DUSP16: variants seen among roughly 807,000 people sequenced by gnomAD.
The protein encoded by DUSP16 is dual specificity phosphatase 16, also known as dual specificity protein phosphatase 16.
In DUSP16, 21 loss-of-function variants were observed where a neutral mutation model predicts 58.3. The observed-to-expected ratio is 0.36, with a 90% CI of 0.26 to 0.52. The LOEUF is 0.52. Ranked by LOEUF, DUSP16 falls within the 20% of genes least tolerant of loss-of-function variation. The pLI is 0.94. For missense variants in DUSP16, 726 were observed against 819.0 expected, an observed-to-expected ratio of 0.89 and a Z score of 1.39; for synonymous variants, 320 against 323.8, an observed-to-expected ratio of 0.99 and a Z score of 0.12.
intron 1 of DUSP16, among the ~76,000 whole-genome samples, chr12:12,549,116 C>T (rs138500342): frequency 6.6e-6 from 1 of 152,086 alleles, no homozygotes; most frequent in Non-Finnish European, 1.5e-5. Context: ...CTGCCCAAAA[C>T]CCAAAACCTA....
At chr12:12,493,435 A>C (rs559429117) in intron 4 of DUSP16, among the ~76,000 whole-genome samples, 1 of 152,282 alleles carries the variant, frequency 6.6e-6, no homozygotes, top group Non-Finnish European at 1.5e-5. Context: ...TTCAACACAG[A>C]AGCTAAAGTG....
At chr12:12,491,517 T>C (rs986528761) in intron 4 of DUSP16, 4 of 152,222 alleles carry the variant, frequency 2.6e-5, no homozygotes, top group East Asian at 1.9e-4. Flanking sequence ...AGTTTCAGCA[T>C]GCTGTATAAA....
intron 1 of DUSP16, chr12:12,554,602 G>C (rs1944781053): frequency 6.6e-6 from 1 of 152,090 alleles, no homozygotes; most frequent in Admixed American, 6.5e-5. Flanking sequence ...CCACTTCTGT[G>C]TGTTTGTGCC....
In DUSP16 at chr12:12,562,499, A is replaced by G. The variant is rs1332297439; in HGVS notation, c.-748T>C. ...GGTTGGGGGGGAGAGAGAGGTGGTA[A>G]TAATCGTTTAAAAACTGATTAAAGC... On this transcript the variant is annotated 5_prime_UTR_variant, in exon 1 of 7. Coordinates refer to ENST00000298573, the MANE Select transcript of DUSP16 (RefSeq NM_030640.3). The G allele has an allele frequency of 3.6e-5, 5 of 137,930 alleles. No individual in the cohort carries two copies. The highest frequency in any genetic ancestry group is 1.4e-4 in the African/African-American group (5 of 36,952). 8.5% of individuals were successfully genotyped at this position (137,930 alleles called of 1,614,324 possible).
chr12:12,518,512 CAAA>C (rs879763438), intron 3 of DUSP16, among the ~76,000 whole-genome samples: 16 of 120,442 alleles, frequency 1.3e-4, no homozygotes, highest in Admixed American at 5.2e-4. Context: ...AATTCTGTCT[CAAA>C]AAAAAAAAAA....
At chr12:12,487,847 G>A (rs571973718) in intron 4 of DUSP16, among the ~76,000 whole-genome samples, 4 of 151,974 alleles carry the variant, frequency 2.6e-5, no homozygotes, top group East Asian at 1.9e-4. Flanking sequence ...TAATAACATC[G>A]ACCCAGCCAA....
intron 1 of DUSP16, among the ~76,000 whole-genome samples, chr12:12,555,140 A>G (rs1944788769): frequency 6.6e-6 from 1 of 152,212 alleles, no homozygotes; most frequent in Non-Finnish European, 1.5e-5. Context: ...TCGGGAAGAG[A>G]AGGAGCTGTT....
chr12:12,514,853 C>T (rs1352993385), intron 3 of DUSP16, among the ~76,000 whole-genome samples: 1 of 152,064 alleles, frequency 6.6e-6, no homozygotes, highest in Non-Finnish European at 1.5e-5. Context: ...CAGACGAGGT[C>T]TCTCTCTGTT....
At chr12:12,550,505 C>A (rs2136266167) in intron 1 of DUSP16, among the ~76,000 whole-genome samples, 1 of 152,322 alleles carries the variant, frequency 6.6e-6, no homozygotes, top group Non-Finnish European at 1.5e-5. Flanking sequence ...GATGATGTAT[C>A]TATCACTCTG....
At chr12:12,506,333 C>G (rs11054942) in intron 3 of DUSP16, 79,727 of 152,098 alleles carry the variant, frequency 0.52, 21,323 homozygotes, top group East Asian at 0.71. Context: ...GACAAAGAAT[C>G]AAGCGTCCTC....
chr12:12,540,030 G>A (rs1592204472), intron 1 of DUSP16, among the ~76,000 whole-genome samples: 2 of 152,026 alleles, frequency 1.3e-5, no homozygotes, highest in Non-Finnish European at 2.9e-5. Context: ...ACCCTGGCCT[G>A]GGCGACAGAC....
At chr12:12,498,762 T>G (rs1203940242) in intron 4 of DUSP16, among the ~76,000 whole-genome samples, 1 of 152,212 alleles carries the variant, frequency 6.6e-6, no homozygotes, top group African/African-American at 2.4e-5. Context: ...AGTTTATTCT[T>G]ATTTCTCACC....
At chr12:12,519,758 C>G in intron 3 of DUSP16, 104 bp downstream of exon 3, 3 of 1,160,660 alleles carry the variant, frequency 2.6e-6, no homozygotes, top group Non-Finnish European at 3.7e-6. Context: ...TCATTTTACA[C>G]AGCAAAGTTG....
intron 1 of DUSP16, among the ~76,000 whole-genome samples, chr12:12,548,392 T>C: frequency 6.6e-6 from 1 of 152,124 alleles, no homozygotes; most frequent in South Asian, 2.1e-4. Context: ...TCCCAGCACT[T>C]TGGGAGGCCG....
chr12:12,554,429 A>C (rs1031829226), intron 1 of DUSP16: 3 of 152,094 alleles, frequency 2.0e-5, no homozygotes, highest in Non-Finnish European at 4.4e-5. Flanking sequence ...ATTTTATTGC[A>C]TTTAATTTCT....
intron 1 of DUSP16, among the ~76,000 whole-genome samples, chr12:12,530,365 G>T (rs1944366847): frequency 1.3e-5 from 2 of 152,048 alleles, no homozygotes; most frequent in Non-Finnish European, 2.9e-5. Flanking sequence ...TTGCTTTCTT[G>T]CCATTGAGTT....
At chr12:12,505,547 T>C (rs889686982) in intron 3 of DUSP16, among the ~76,000 whole-genome samples, 2 of 152,234 alleles carry the variant, frequency 1.3e-5, no homozygotes, top group South Asian at 2.1e-4. Flanking sequence ...GTAGTAGACC[T>C]TGGCTGTCAG....
intron 2 of DUSP16, among the ~76,000 whole-genome samples, chr12:12,520,408 A>G (rs1944215926): frequency 6.6e-6 from 1 of 152,186 alleles, no homozygotes; most frequent in Non-Finnish European, 1.5e-5. Flanking sequence ...AAAAAAACCA[A>G]CTTCCTCACC....
chr12:12,477,307 G>C lies in DUSP16; in HGVS notation c.1524C>G (p.Ser508Arg). The part of the protein sequence containing the change: ...SLLSPLHRSG[S>R]VEDNYHTSFL... ...AGCTGGTGTGGTAATTGTCCTCCAC[G>C]CTCCCACTTCGATGCAGTGGAGATA... The change falls in exon 7 of 7, where the codon AGC becomes AGG. Residue 508 changes from serine (S) to arginine (R), a missense_variant. Coordinates refer to ENST00000298573, the MANE Select transcript of DUSP16 (RefSeq NM_030640.3). This position sits in a 1 kb window ranked among gnomAD's most constrained non-coding sequence, Gnocchi z 4.1. 1 of 1,614,232 alleles carries C rather than the reference G, an allele frequency of 6.2e-7. No individual in the cohort carries two copies. Among genetic ancestry groups the C allele is most frequent in the Non-Finnish European group, 8.5e-7 (1 of 1,180,048 alleles).
Sources: gnomAD v4.1 joint callset for allele counts (sites outside exome capture counted in the v4.1 genomes callset) on GRCh38, gnomAD v4.1.1 for gene constraint, Gnocchi (gnomAD v3.1) non-coding constraint, MANE v1.5 for transcripts, NCBI Gene and HGNC (gene_info 2026-07-23, HGNC 2026-07-21) for gene names.